VWA8: variants seen among roughly 807,000 people sequenced by gnomAD.
VWA8 encodes the protein von Willebrand factor A domain-containing protein 8.
A neutral mutation model predicts 241.5 loss-of-function variants in VWA8; 221 were observed. The observed-to-expected ratio is 0.91, with a 90% CI of 0.82 to 1.02. The LOEUF (loss-of-function observed/expected upper bound fraction) is 1.02. Ranked by LOEUF, VWA8 falls within the 50% of genes least tolerant of loss-of-function variation. The probability of loss-of-function intolerance (pLI) is 0.00; values close to 1 mark genes in which losing one functional copy is unlikely to be tolerated. For missense variants in VWA8, 2,322 were observed against 2,328.7 expected (o/e 1.00, Z 0.06); for synonymous variants, 852 against 827.1 (o/e 1.03, Z -0.52).
At chr13:41,637,211 T>C (rs12859877) in intron 37 of VWA8, among the ~76,000 whole-genome samples, 3,185 of 148,352 alleles carry the variant, frequency 0.021, 41 homozygotes, top group South Asian at 0.049. Flanking sequence ...GGCACATATA[T>C]ACCATGGAAT....
intron 7 of VWA8, among the ~76,000 whole-genome samples, chr13:41,886,295 A>C: frequency 6.6e-6 from 1 of 152,148 alleles, no homozygotes; most frequent in East Asian, 1.9e-4. Context: ...CACATTTCGT[A>C]ATCCCAAACC....
At chr13:41,950,242 A>G (rs1359540901) in intron 1 of VWA8, among the ~76,000 whole-genome samples, 1 of 152,216 alleles carries the variant, frequency 6.6e-6, no homozygotes, top group Non-Finnish European at 1.5e-5. Context: ...GCAAACAAAC[A>G]AACAAAAACA....
chr13:41,747,688 G>A (rs1373276299), intron 21 of VWA8, among the ~76,000 whole-genome samples: 1 of 152,108 alleles, frequency 6.6e-6, no homozygotes, highest in Non-Finnish European at 1.5e-5. Context: ...TTTTCAAAGG[G>A]AATGCTTCCA....
At position 41,671,519 on chromosome 13, in the gene VWA8, C is replaced by T. The variant is rs114988611; in HGVS notation, c.4410-372G>A. On this transcript the variant is annotated intron_variant, in intron 36 of 44. Transcript: ENST00000379310. ...CTCTAAACTTGCTATAAAGAATTTG[C>T]TATGGACTAAATGCTTGTATCCGCA... Among the ~76,000 whole-genome samples the T allele has an allele frequency of 5.2e-3, 791 of 152,226 alleles. 5 individuals are homozygous for T. The highest frequency in any genetic ancestry group is 0.018 in the African/African-American group (756 of 41,540).
chr13:41,882,851 A>AT (rs561910472), intron 9 of VWA8, among the ~76,000 whole-genome samples: 2 of 141,792 alleles, frequency 1.4e-5, no homozygotes, highest in Non-Finnish European at 3.1e-5. Context: ...GAGCAATCCT[A>AT]TTTTTTTAAC....
At chr13:41,939,209 T>C (rs56214264) in intron 2 of VWA8, among the ~76,000 whole-genome samples, 29,146 of 152,166 alleles carry the variant, frequency 0.19, 3,581 homozygotes, top group East Asian at 0.37. Context: ...AGTTATCTAT[T>C]GAAAACTTGC....
chr13:41,587,154 G>A (rs1412622721), intron 42 of VWA8, among the ~76,000 whole-genome samples: 2 of 152,200 alleles, frequency 1.3e-5, no homozygotes, highest in Non-Finnish European at 2.9e-5. Flanking sequence ...AGCTTTCAGG[G>A]TGGACTCAAA....
At chr13:41,959,606 C>CTTTTGTTTTTTTTTTT (rs1878513607) in intron 1 of VWA8, among the ~76,000 whole-genome samples, 1 of 79,646 alleles carries the variant, frequency 1.3e-5, no homozygotes, top group Non-Finnish European at 2.3e-5. Flanking sequence ...CCTAAATATG[C>CTTTTGTTTTTTTTTTT]TTTTTTTTTT....
intron 37 of VWA8, among the ~76,000 whole-genome samples, chr13:41,643,093 A>G (rs965221092): frequency 1.3e-5 from 2 of 152,196 alleles, no homozygotes; most frequent in African/African-American, 4.8e-5. Context: ...CCTGACAGCT[A>G]GGACCACTTA....
Position 41,580,978 on chromosome 13 carries a change from CTATT to C in VWA8, c.5272-5144_5272-5141del, listed in dbSNP as rs2044378450. ...CTTCTGTCAAGGGAGAGTGAGTCAT[CTATT>C]TTATTTTATTTTATTTTATTTTATT... On this transcript the variant is annotated intron_variant, in intron 42 of 44. Transcript: ENST00000379310. Among the ~76,000 whole-genome samples the C allele has an allele frequency of 1.5e-5, 2 of 129,600 alleles. 1 individual carries two copies. Among genetic ancestry groups the C allele is most frequent in the South Asian group, 4.9e-4 (2 of 4,092 alleles). 85.0% of individuals were successfully genotyped at this position (129,600 alleles called of 152,430 possible).
At chr13:41,631,168 C>T (rs773499972) in intron 37 of VWA8, among the ~76,000 whole-genome samples, 14 of 152,026 alleles carry the variant, frequency 9.2e-5, no homozygotes, top group Non-Finnish European at 1.3e-4. Flanking sequence ...TACAGGCACA[C>T]GCTACCACAC....
At chr13:41,702,597 T>C (rs747825644) in intron 27 of VWA8, among the ~76,000 whole-genome samples, 22 of 152,214 alleles carry the variant, frequency 1.4e-4, no homozygotes, top group Non-Finnish European at 2.6e-4. Context: ...AAAATTTTGG[T>C]GAAACACAGC....
chr13:41,932,754 G>A (rs999687548), intron 2 of VWA8, among the ~76,000 whole-genome samples: 1 of 151,718 alleles, frequency 6.6e-6, no homozygotes, highest in Non-Finnish European at 1.5e-5. Flanking sequence ...AAAAGCACTT[G>A]ATGACATCCA....
At chr13:41,745,685 G>A (rs117163972) in intron 21 of VWA8, among the ~76,000 whole-genome samples, 2,014 of 152,124 alleles carry the variant, frequency 0.013, 23 homozygotes, top group Middle Eastern at 0.054. Flanking sequence ...TTAGAATGAC[G>A]ATCACTAAAA....
At chr13:41,608,410 A>G (rs555038512) in intron 39 of VWA8, among the ~76,000 whole-genome samples, 21 of 152,314 alleles carry the variant, frequency 1.4e-4, no homozygotes, top group Admixed American at 4.6e-4. Flanking sequence ...AGCTGGAAAC[A>G]TATCTTTCTG....
intron 43 of VWA8, among the ~76,000 whole-genome samples, chr13:41,571,111 G>A (rs879164989): frequency 1.2e-4 from 18 of 152,294 alleles, no homozygotes; most frequent in Admixed American, 9.8e-4. Context: ...TTGTACTCAC[G>A]TCAATAACGA....
Position 41,570,531 on chromosome 13 carries a change from G to A in VWA8, c.5546C>T (p.Thr1849Ile). 6.2e-7 allele frequency: 1 copy of A among 1,614,182 alleles called. No individual in the cohort carries two copies. Among genetic ancestry groups the A allele is most frequent in the Non-Finnish European group, 8.5e-7 (1 of 1,180,034 alleles). The change falls in exon 44 of 45, where the codon ACA (threonine) becomes ATA (isoleucine). Residue 1849 changes from threonine (T) to isoleucine (I), a missense_variant. Physicochemically the swap from Thr to Ile is moderately conservative, Grantham distance 89 (BLOSUM62 -1). Coordinates refer to ENST00000379310, the MANE Select transcript of VWA8 (RefSeq NM_015058.2). ...AAAAGCATTTACTTGAGGGTCTCTTGTGAGGATTTGAGCAAACTTAGCAGG... is the reference window on the plus strand; with the variant it reads ...AAAAGCATTTACTTGAGGGTCTCTTATGAGGATTTGAGCAAACTTAGCAGG... ...IHPAKFAQILTRDPQVNAFAI... is the reference protein window; with the variant it reads ...IHPAKFAQILIRDPQVNAFAI...
chr13:41,740,757 G>A (rs1177776166), intron 21 of VWA8, among the ~76,000 whole-genome samples: 1 of 152,024 alleles, frequency 6.6e-6, no homozygotes, highest in East Asian at 1.9e-4. Context: ...TCATCTCCTG[G>A]GAAATCTACC....
intron 38 of VWA8, among the ~76,000 whole-genome samples, chr13:41,612,605 A>C (rs1328307352): frequency 6.6e-6 from 1 of 152,228 alleles, no homozygotes; most frequent in Non-Finnish European, 1.5e-5. Context: ...CAGAGAAAAA[A>C]ACACATCTGT....
Sources: gnomAD v4.1 joint callset for allele counts (sites outside exome capture counted in the v4.1 genomes callset) on GRCh38, gnomAD v4.1.1 for gene constraint, MANE v1.5 for transcripts, NCBI Gene and HGNC (gene_info 2026-07-23, HGNC 2026-07-21) for gene names.